Variants in TRMT11 observed in about 807,000 individuals in gnomAD.
TRMT11 encodes the protein tRNA (guanine(10)-N(2))-methyltransferase TRMT11.
In TRMT11, 53 loss-of-function variants were observed where a neutral mutation model predicts 62.8. The observed-to-expected ratio is 0.84, with a 90% CI of 0.68 to 1.06. The LOEUF (loss-of-function observed/expected upper bound fraction) is 1.06, where lower values mean the gene tolerates loss of function less well. Among genes scored for constraint, TRMT11 ranks in the 50% least tolerant of loss-of-function variants. The pLI is 0.00. For missense variants in TRMT11, 556 were observed against 553.4 expected (o/e 1.00, Z -0.05); for synonymous variants, 188 against 190.3 (o/e 0.99, Z 0.10).
At chr6:126,271,231 G>T in the TRMT11 span, among the ~76,000 whole-genome samples, 1 of 151,722 alleles carries the variant, frequency 6.6e-6, no homozygotes, top group African/African-American at 2.4e-5. Context: ...GCATGTGGTG[G>T]CATGTACCCG....
At chr6:126,082,648 T>C (rs17053775) in intron 17 of TRMT11, among the ~76,000 whole-genome samples, 15,858 of 152,164 alleles carry the variant, frequency 0.1, 1,487 homozygotes, top group African/African-American at 0.25. Flanking sequence ...CAGGAAACTT[T>C]ATCAAATGTA....
the TRMT11 span, among the ~76,000 whole-genome samples, chr6:126,230,538 A>C: frequency 6.6e-6 from 1 of 152,200 alleles, no homozygotes; most frequent in Non-Finnish European, 1.5e-5. Context: ...ACACTTCAGC[A>C]ATGTTCTCTA....
the TRMT11 span, among the ~76,000 whole-genome samples, chr6:126,241,793 C>G: frequency 1.8e-4 from 27 of 152,120 alleles, no homozygotes; most frequent in Non-Finnish European, 3.1e-4. Context: ...TGGGACATAT[C>G]TCAAAATAAT....
At chr6:126,146,200 G>A (rs975952815) in intron 21 of TRMT11, among the ~76,000 whole-genome samples, 11 of 152,176 alleles carry the variant, frequency 7.2e-5, no homozygotes, top group Non-Finnish European at 1.5e-4. Flanking sequence ...AAATAAGGAA[G>A]CAGTAGAACA....
intron 21 of TRMT11, among the ~76,000 whole-genome samples, chr6:126,125,306 T>G (rs1400081937): frequency 6.6e-6 from 1 of 152,082 alleles, no homozygotes; most frequent in Non-Finnish European, 1.5e-5. Flanking sequence ...GGTAAACATG[T>G]GCTTTTACAT....
In TRMT11 at chr6:126,151,781, TTTCC is replaced by T. The variant is rs549337385; in HGVS notation, c.*1824-23030_*1824-23027del. 1.5e-3 allele frequency among the ~76,000 whole-genome samples: 211 copies of T among 143,878 alleles called. 2 individuals carry two copies. The highest frequency in any genetic ancestry group is 4.5e-3 in the African/African-American group (173 of 38,416). The allele number at this position is 143,878 out of a possible 152,430, so 94.4% of individuals were successfully genotyped here. A position where few individuals can be genotyped will look rare whatever the true frequency, so the allele number is the denominator to read the frequency against. ...TCCTTCCTTCCCTTCCTTTCACCCT[TTTCC>T]TTCCTTCCTTCCTCTCTGTCTTTTC... On this transcript the variant is annotated intron_variant and NMD_transcript_variant, in intron 21 of 22. Coordinates refer to the TRMT11 transcript ENST00000648977.
intron 16 of TRMT11, among the ~76,000 whole-genome samples, chr6:126,051,313 A>G (rs912576807): frequency 6.6e-6 from 1 of 152,142 alleles, no homozygotes; most frequent in African/African-American, 2.4e-5. Context: ...GACATAGCAA[A>G]GGAATAGAGA....
chr6:126,018,419 A>T (rs1258477579), intron 11 of TRMT11, among the ~76,000 whole-genome samples: 2 of 152,190 alleles, frequency 1.3e-5, no homozygotes, highest in East Asian at 3.8e-4. Context: ...AAAATGAGTG[A>T]CAGTCAAAAT....
chr6:126,209,962 A>G, the TRMT11 span, among the ~76,000 whole-genome samples: 8 of 152,288 alleles, frequency 5.3e-5, no homozygotes, highest in African/African-American at 1.9e-4. Flanking sequence ...TCTCTCTAAG[A>G]TACCTCACTT....
At chr6:126,032,908 T>C (rs960239) in intron 12 of TRMT11, among the ~76,000 whole-genome samples, 70 of 152,286 alleles carry the variant, frequency 4.6e-4, no homozygotes, top group African/African-American at 1.2e-3. Context: ...CAGATAGTTA[T>C]GGTAGCCAAA....
chr6:126,237,955 G>C, the TRMT11 span, among the ~76,000 whole-genome samples: 3 of 152,036 alleles, frequency 2.0e-5, no homozygotes, highest in African/African-American at 7.2e-5. Context: ...TGTATGTGTC[G>C]AGGAATTTAT....
chr6:125,997,754 C>T (rs550285722), intron 3 of TRMT11, among the ~76,000 whole-genome samples: 3 of 152,178 alleles, frequency 2.0e-5, no homozygotes, highest in Non-Finnish European at 2.9e-5. Flanking sequence ...AGTGATCCAC[C>T]CACCTCGGCC....
chr6:126,077,315 C>T lies in TRMT11; in HGVS notation c.*1437+24125C>T, dbSNP rs79821295. The stretch of plus-strand genomic sequence containing the variant: ...ATGTAAAACTAACAGAGCAATTTGG[C>T]TGTCTGATGCTGAACTGAAGAGTGA... On this transcript the variant is annotated intron_variant and NMD_transcript_variant, in intron 17 of 22. Transcript: ENST00000648977. 1.4e-3 allele frequency among the ~76,000 whole-genome samples: 220 copies of T among 152,330 alleles called. 1 individual carries two copies. Among genetic ancestry groups the T allele is most frequent in the African/African-American group, 4.9e-3 (205 of 41,590 alleles).
intron 17 of TRMT11, among the ~76,000 whole-genome samples, chr6:126,100,492 G>A (rs189561687): frequency 1.3e-5 from 2 of 152,190 alleles, no homozygotes; most frequent in Admixed American, 6.5e-5. Context: ...ACAGAAACCC[G>A]ACCTGAACAA....
chr6:125,999,580 A>C lies in TRMT11; in HGVS notation c.646A>C (p.Asn216His). The change falls in exon 7 of 13, where the codon AAT (asparagine) becomes CAT (histidine). Residue 216 changes from asparagine to histidine, a missense_variant. By Grantham distance (68) the Asn-to-His change is moderately conservative. Transcript: ENST00000334379. ...IMANHGKVKE[N>H]DIVFDPFVGT... ...GGCTAACCATGGAAAAGTGAAAGAAAATGATATTGTCTTTGATCCATTTGT... is the reference window on the plus strand; with the variant it reads ...GGCTAACCATGGAAAAGTGAAAGAACATGATATTGTCTTTGATCCATTTGT... 1 of 1,611,928 alleles carries C rather than the reference A, an allele frequency of 6.2e-7. No individual in the cohort carries two copies. The highest frequency in any genetic ancestry group is 8.5e-7 in the Non-Finnish European group (1 of 1,178,748).
chr6:126,139,696 C>T (rs756730078), intron 21 of TRMT11, among the ~76,000 whole-genome samples: 6 of 151,956 alleles, frequency 3.9e-5, no homozygotes, highest in Non-Finnish European at 8.8e-5. Flanking sequence ...TGGCCACATA[C>T]TATCTATATA....
At chr6:126,108,301 C>T (rs1391249243) in intron 17 of TRMT11, among the ~76,000 whole-genome samples, 4 of 152,200 alleles carry the variant, frequency 2.6e-5, no homozygotes, top group African/African-American at 9.7e-5. Context: ...AGTTGCTCCA[C>T]TTCACATTCC....
the TRMT11 span, among the ~76,000 whole-genome samples, chr6:126,218,689 T>A: frequency 6.6e-6 from 1 of 152,202 alleles, no homozygotes; most frequent in Non-Finnish European, 1.5e-5. Flanking sequence ...TCCCTGGGGT[T>A]GGAGGAGAGG....
chr6:126,146,905 ATT>A (rs1777981602), intron 21 of TRMT11, among the ~76,000 whole-genome samples: 1 of 110,426 alleles, frequency 9.1e-6, no homozygotes, highest in African/African-American at 3.5e-5. Context: ...ACTAAAAGTG[ATT>A]ATTAGACATA....
Sources: gnomAD v4.1 joint callset for allele counts (sites outside exome capture counted in the v4.1 genomes callset) on GRCh38, gnomAD v4.1.1 for gene constraint, MANE v1.5 for transcripts, NCBI Gene and HGNC (gene_info 2026-07-23, HGNC 2026-07-21) for gene names.